The following DNAJA4 variants were observed in gnomAD, a reference collection of about 807,000 sequenced individuals.
The protein encoded by DNAJA4 is dnaJ homolog subfamily A member 4.
A neutral mutation model predicts 39.7 loss-of-function variants in DNAJA4; 32 were observed. That is an observed-to-expected ratio of 0.81 (90% CI 0.61 to 1.08). DNAJA4 has a LOEUF of 1.08. DNAJA4 is among the 50% of genes least tolerant of loss of function. The pLI is 0.00. For synonymous variants in DNAJA4, 184 were observed against 182.4 expected (o/e 1.01, Z -0.07); for missense variants, 439 against 505.1 (o/e 0.87, Z 1.25).
intron 1 of DNAJA4, chr15:78,265,807 A>G (rs1056446334): frequency 1.2e-4 from 72 of 624,914 alleles, no homozygotes; most frequent in Non-Finnish European, 1.7e-4. Flanking sequence ...GGGCCGTTAT[A>G]GTAGCTGATA....
chr15:78,272,459 G>A lies in DNAJA4; in HGVS notation c.314-636G>A, dbSNP rs959372720. On this transcript the variant is annotated intron_variant, in intron 2 of 6. Coordinates refer to ENST00000394852, the MANE Select transcript of DNAJA4 (RefSeq NM_001130182.2). ...TCAAAGTTGGCAGCCAGTAAACCAG[G>A]ACAGCTCATCTCAGTGACTGCAGGA... is the stretch of plus-strand genomic sequence containing the variant. Among the ~76,000 whole-genome samples, 38 of 152,198 alleles carry A rather than the reference G, an allele frequency of 2.5e-4. 1 individual carries two copies. The highest frequency in any genetic ancestry group is 9.2e-4 in the African/African-American group (38 of 41,438).
In DNAJA4 at chr15:78,269,834, G is replaced by C. The variant is rs2049245193; in HGVS notation, c.133-663G>C. Among the ~76,000 whole-genome samples the C allele has an allele frequency of 2.0e-5, 3 of 152,138 alleles. No individual in the cohort carries two copies. The South Asian group carries it at 6.2e-4, about 32-fold the overall frequency. On this transcript the variant is annotated intron_variant, in intron 1 of 6. Transcript: ENST00000394852. ...ATTCTTTTCGTACAATTGGGTTCCA[G>C]TGGTAACTTTTTGGCAGGAATGCTA...
At chr15:78,278,408 A>G (rs2049539179) in intron 5 of DNAJA4, 5 of 414,950 alleles carry the variant, frequency 1.2e-5, no homozygotes, top group Non-Finnish European at 2.4e-5. Context: ...TGAACACCAT[A>G]GAATGTACTC....
intron 1 of DNAJA4, chr15:78,270,258 T>A (rs1008262791): frequency 2.5e-6 from 1 of 395,088 alleles, no homozygotes; most frequent in Non-Finnish European, 4.5e-6. Context: ...CTGGCTTCTC[T>A]CCCTTATTCT....
chr15:78,265,066 G>A (rs1336846468), intron 1 of DNAJA4, among the ~76,000 whole-genome samples, 171 bp downstream of exon 1: 2 of 152,178 alleles, frequency 1.3e-5, no homozygotes, highest in African/African-American at 4.8e-5. Context: ...GCCGTGCGGC[G>A]CGGTCGGTGG....
upstream of DNAJA4, chr15:78,264,260 G>C (rs1458372502): frequency 7.9e-7 from 1 of 1,264,638 alleles, no homozygotes; most frequent in African/African-American, 1.6e-5. Context: ...GGGGCGGCGG[G>C]ACAGTTGTCG....
Position 78,274,439 on chromosome 15 carries a change from A to G in DNAJA4, c.646+15A>G, listed in dbSNP as rs374417347. 3.7e-6 allele frequency: 6 copies of G among 1,611,432 alleles called. No homozygotes were observed. Among genetic ancestry groups the G allele is most frequent in the Non-Finnish European group, 5.1e-6 (6 of 1,178,238 alleles). ...TGTTGAAAAAGGTGAGGCTGCGCAGAGCTGGTGCTCCACACGGGCTGGAAA... is the reference window on the plus strand; with the variant it reads ...TGTTGAAAAAGGTGAGGCTGCGCAGGGCTGGTGCTCCACACGGGCTGGAAA... On this transcript the variant is annotated intron_variant, in intron 4 of 6. Coordinates refer to ENST00000394852, the MANE Select transcript of DNAJA4 (RefSeq NM_001130182.2).
rs2049674899 is a variant in DNAJA4 at position 78,282,048 on chromosome 15, A to G, written c.*1588A>G. ...GTGCTGTGACTTCCTAATTATTGCT[A>G]AAGAACTACTGTTTAGTTGGTAATG... On this transcript the variant is annotated 3_prime_UTR_variant, in exon 7 of 7. Coordinates refer to ENST00000394852, the MANE Select transcript of DNAJA4 (RefSeq NM_001130182.2). 6.6e-6 allele frequency: 1 copy of G among 152,216 alleles called. No individual in the cohort carries two copies. 9.4% of individuals were successfully genotyped at this position (152,216 alleles called of 1,614,324 possible).
intron 1 of DNAJA4, chr15:78,265,335 G>A (rs2049091894): frequency 6.4e-6 from 4 of 621,992 alleles, no homozygotes; most frequent in Non-Finnish European, 1.1e-5. Flanking sequence ...ATAAACCCTA[G>A]GGATGAGTGT....
chr15:78,268,623 A>G (rs1356170666), intron 1 of DNAJA4, among the ~76,000 whole-genome samples: 3 of 152,086 alleles, frequency 2.0e-5, no homozygotes. Context: ...TTATCTATAT[A>G]TCCATATTTG....
Position 78,275,501 on chromosome 15 carries a change from T to C in DNAJA4, c.650T>C (p.Met217Thr), listed in dbSNP as rs1294346751. 4 of 1,612,780 alleles carry C rather than the reference T, an allele frequency of 2.5e-6. No homozygotes were observed. The highest frequency in any genetic ancestry group is 1.3e-5 in the African/African-American group (1 of 74,860). The change falls in exon 5 of 7, where the codon ATG becomes ACG. Residue 217 changes from methionine (M) to threonine (T), a missense_variant. By Grantham distance (81) the Met-to-Thr change is moderately conservative. Transcript: ENST00000394852. ...AGAAAGGGATGATGTTTCATAGGTA[T>C]GAAAGATGGGCAAAAGATACTATTT... ...KIIEVHVEKG[M>T]KDGQKILFHG...
rs373921666 is a variant in DNAJA4 at position 78,267,156 on chromosome 15, GTGTA to G, written c.132+2265_132+2268del. Among the ~76,000 whole-genome samples, 243 of 150,052 alleles carry G rather than the reference GTGTA, an allele frequency of 1.6e-3. 1 individual carries two copies. Among genetic ancestry groups the G allele is most frequent in the South Asian group, 0.013 (61 of 4,720 alleles). On this transcript the variant is annotated intron_variant, in intron 1 of 6. Transcript: ENST00000394852. The stretch of plus-strand genomic sequence containing the variant: ...TGTGTATGTGAGTGTGTGTGTGAGT[GTGTA>G]TGTGAGTGTGTGAGTGTGTGAGTGT...
intron 3 of DNAJA4, among the ~76,000 whole-genome samples, chr15:78,273,449 T>C (rs2049358378): frequency 6.6e-6 from 1 of 151,950 alleles, no homozygotes; most frequent in Non-Finnish European, 1.5e-5. Flanking sequence ...TATTATACTC[T>C]AAGTTTTAGG....
At chr15:78,274,765 T>C (rs2049401643) in intron 4 of DNAJA4, 1 of 350,884 alleles carries the variant, frequency 2.8e-6, no homozygotes, top group Non-Finnish European at 5.4e-6. Flanking sequence ...TCTTTCGGAG[T>C]GTCTTCCTGG....
chr15:78,265,765 CTT>C, intron 1 of DNAJA4: 2 of 669,718 alleles, frequency 3.0e-6, no homozygotes, highest in Non-Finnish European at 5.4e-6. Context: ...TCTTACAAAA[CTT>C]TGGTTGTTCC....
rs778706654 is a variant in DNAJA4 at position 78,275,483 on chromosome 15, G to C, written c.647-15G>C. 3 of 1,597,090 alleles carry C rather than the reference G, an allele frequency of 1.9e-6. No individual in the cohort carries two copies. In the South Asian group the frequency reaches 3.3e-5, roughly 18 times the overall value. ...TATGAGAAATGGCTAATCAGAAAGG[G>C]ATGATGTTTCATAGGTATGAAAGAT... On this transcript the variant is annotated splice_polypyrimidine_tract_variant and intron_variant, in intron 4 of 6. Transcript: ENST00000394852.
At chr15:78,270,783 C>A in intron 2 of DNAJA4, 106 bp downstream of exon 2, 3 of 1,250,060 alleles carry the variant, frequency 2.4e-6, no homozygotes, top group Non-Finnish European at 3.3e-6. Context: ...TTGGGCCAGG[C>A]GCGGTGGTTC....
chr15:78,265,704 G>C (rs571465381), intron 1 of DNAJA4: 110 of 698,088 alleles, frequency 1.6e-4, no homozygotes, highest in South Asian at 1.5e-3. Flanking sequence ...ATGAGGCATT[G>C]CAAGGAAAGG....
At chr15:78,269,436 A>G (rs533568421) in intron 1 of DNAJA4, among the ~76,000 whole-genome samples, 37 of 152,360 alleles carry the variant, frequency 2.4e-4, no homozygotes, top group African/African-American at 8.7e-4. Context: ...GAGTGATACA[A>G]TGAACACCTA....
Sources: gnomAD v4.1 joint callset for allele counts (sites outside exome capture counted in the v4.1 genomes callset) on GRCh38, gnomAD v4.1.1 for gene constraint, MANE v1.5 for transcripts, NCBI Gene and HGNC (gene_info 2026-07-23, HGNC 2026-07-21) for gene names.